The following PLA2G4E variants were observed in gnomAD, a reference collection of about 807,000 sequenced individuals.
The protein encoded by PLA2G4E is phospholipase A2 group IVE, also known as cytosolic phospholipase A2 epsilon.
Under a neutral mutation model 109.1 loss-of-function variants are expected in PLA2G4E, and 84 were observed. The ratio of observed to expected loss-of-function variants is 0.77; its 90% confidence interval spans 0.65 to 0.92. The LOEUF (loss-of-function observed/expected upper bound fraction) is 0.92. Ranked by LOEUF, PLA2G4E falls within the 40% of genes least tolerant of loss-of-function variation. PLA2G4E has a pLI of 0.00. For synonymous variants in PLA2G4E, 469 were observed against 436.1 expected, an observed-to-expected ratio of 1.08 and a Z score of -0.94; for missense variants, 1,057 against 1,076.6, an observed-to-expected ratio of 0.98 and a Z score of 0.25.
intron 1 of PLA2G4E, among the ~76,000 whole-genome samples, chr15:42,028,411 A>ATTTCTTTC (rs922785671): frequency 1.2e-4 from 17 of 146,754 alleles, no homozygotes; most frequent in African/African-American, 4.3e-4. Context: ...TTATTTATTT[A>ATTTCTTTC]TTTATTATTT....
chr15:42,002,925 T>A (rs2068436983), intron 5 of PLA2G4E, among the ~76,000 whole-genome samples: 1 of 151,940 alleles, frequency 6.6e-6, no homozygotes, highest in Non-Finnish European at 1.5e-5. Context: ...GTTAGAAGAG[T>A]AGGAGAGTTC....
chr15:41,988,059 C>T (rs1461173954), exon 16 of PLA2G4E: 4 of 1,602,354 alleles, frequency 2.5e-6, no homozygotes, highest in Non-Finnish European at 2.6e-6. Context: ...CGATGTCCTG[C>T]ACTTTCTCCC....
At chr15:41,987,176 C>G in exon 17 of PLA2G4E, 2 of 1,613,370 alleles carry the variant, frequency 1.2e-6, no homozygotes, top group Non-Finnish European at 1.7e-6. Context: ...GGTTACCTTT[C>G]CACCTAGAGA....
chr15:41,989,329 G>A (rs1038780385), intron 15 of PLA2G4E, 86 bp downstream of exon 15: 59 of 1,544,380 alleles, frequency 3.8e-5, no homozygotes, highest in Non-Finnish European at 5.0e-5. Flanking sequence ...CAAGTGCCCC[G>A]AGTGTCACAT....
intron 12 of PLA2G4E, 139 bp downstream of exon 12, chr15:41,995,221 C>A: frequency 8.6e-7 from 1 of 1,162,274 alleles, no homozygotes; most frequent in Non-Finnish European, 1.2e-6. Context: ...CAAGGCCACA[C>A]CACTGCATGT....
intron 2 of PLA2G4E, chr15:42,010,106 C>A: frequency 1.9e-6 from 1 of 520,054 alleles, no homozygotes; most frequent in Non-Finnish European, 3.9e-6. Flanking sequence ...CTCTTGAACC[C>A]TTCCCTTGGC....
chr15:42,046,086 C>A (rs1889411292), intron 1 of PLA2G4E, among the ~76,000 whole-genome samples: 1 of 152,182 alleles, frequency 6.6e-6, no homozygotes, highest in African/African-American at 2.4e-5. Flanking sequence ...CAGAATCCAT[C>A]CACTCCTACT....
intron 15 of PLA2G4E, among the ~76,000 whole-genome samples, chr15:41,988,410 C>T (rs555843043): frequency 3.9e-5 from 6 of 152,104 alleles, no homozygotes; most frequent in Non-Finnish European, 8.8e-5. Context: ...GGCACAGCCC[C>T]GGCAGGGATT....
intron 1 of PLA2G4E, among the ~76,000 whole-genome samples, chr15:42,048,769 C>CT (rs1190838088): frequency 6.6e-6 from 1 of 152,238 alleles, no homozygotes; most frequent in Non-Finnish European, 1.5e-5. Flanking sequence ...AGGAGCTTGT[C>CT]TGAGGTTACA....
intron 1 of PLA2G4E, among the ~76,000 whole-genome samples, chr15:42,026,127 T>C (rs1190275967): frequency 2.6e-5 from 4 of 152,102 alleles, no homozygotes; most frequent in Non-Finnish European, 4.4e-5. Flanking sequence ...TAAATATTCA[T>C]GCATAACAAA....
At chr15:42,021,518 C>G (rs2068648473) in intron 1 of PLA2G4E, among the ~76,000 whole-genome samples, 1 of 151,964 alleles carries the variant, frequency 6.6e-6, no homozygotes, top group African/African-American at 2.4e-5. Context: ...CCACAACTCC[C>G]AAAGAGACCA....
chr15:41,994,700 C>T (rs1198544436), intron 12 of PLA2G4E, among the ~76,000 whole-genome samples: 1 of 151,832 alleles, frequency 6.6e-6, no homozygotes, highest in Non-Finnish European at 1.5e-5. Context: ...TCATGCTGGC[C>T]ACATAAAAAA....
intron 1 of PLA2G4E, among the ~76,000 whole-genome samples, chr15:42,021,479 G>A (rs1555387953): frequency 6.6e-6 from 1 of 151,852 alleles, no homozygotes; most frequent in Non-Finnish European, 1.5e-5. Context: ...CCCAGGAGCT[G>A]TGGCCAGGGA....
intron 6 of PLA2G4E, 100 bp from the exon 7 acceptor site, chr15:42,001,320 A>G (rs2068417367): frequency 8.6e-7 from 1 of 1,164,516 alleles, no homozygotes; most frequent in Admixed American, 1.7e-5. Flanking sequence ...TACATTCAGC[A>G]TTGGTCTGAC....
intron 1 of PLA2G4E, among the ~76,000 whole-genome samples, chr15:42,039,605 TAAG>T (rs547072464): frequency 5.1e-4 from 78 of 152,190 alleles, no homozygotes; most frequent in African/African-American, 1.7e-3. Context: ...ATTTAGGATA[TAAG>T]AAGACTGGAT....
intron 5 of PLA2G4E, among the ~76,000 whole-genome samples, chr15:42,002,957 G>GT (rs1595565159): frequency 6.6e-6 from 1 of 152,182 alleles, no homozygotes; most frequent in African/African-American, 2.4e-5. Flanking sequence ...AAGGATAACT[G>GT]TTTTTTATGT....
intron 1 of PLA2G4E, among the ~76,000 whole-genome samples, chr15:42,039,400 AG>A (rs1263964303): frequency 6.6e-6 from 1 of 152,202 alleles, no homozygotes; most frequent in Non-Finnish European, 1.5e-5. Context: ...AACTATAGAG[AG>A]AATGTACCAA....
At chr15:41,982,715 C>T (rs2068081368) in exon 20 of PLA2G4E, 1 of 152,422 alleles carries the variant, frequency 6.6e-6, no homozygotes, top group Non-Finnish European at 1.5e-5. Context: ...CATCCCAGAT[C>T]CTCATTTGGT....
At chr15:42,004,808 G>T in intron 5 of PLA2G4E, 130 bp downstream of exon 5, 1 of 974,100 alleles carries the variant, frequency 1.0e-6, no homozygotes, top group Non-Finnish European at 1.6e-6. Flanking sequence ...GAAGAGTCAG[G>T]GTTAGTGCCA....
Sources: allele counts gnomAD v4.1 joint callset (sites outside exome capture counted in the v4.1 genomes callset), GRCh38; gene constraint gnomAD v4.1.1; transcripts MANE v1.5; gene names NCBI Gene and HGNC (gene_info 2026-07-23, HGNC 2026-07-21).